Variants in LPIN1 observed in about 807,000 individuals in gnomAD.
The protein encoded by LPIN1 is phosphatidate phosphatase LPIN1.
LPIN1 carries 71 observed loss-of-function variants against 107.5 expected under a neutral mutation model. That is an observed-to-expected ratio of 0.66 (90% CI 0.55 to 0.80). The LOEUF (loss-of-function observed/expected upper bound fraction) is 0.80. Among genes scored for constraint, LPIN1 ranks in the 30% least tolerant of loss-of-function variants. LPIN1 has a pLI of 0.00. For synonymous variants in LPIN1, 445 were observed against 452.6 expected, an observed-to-expected ratio of 0.98 and a Z score of 0.21; for missense variants, 1,043 against 1,160.6, an observed-to-expected ratio of 0.90 and a Z score of 1.47.
intron 14 of LPIN1, among the ~76,000 whole-genome samples, chr2:11,795,779 T>TGATGAC (rs1676602906): frequency 6.6e-6 from 1 of 152,182 alleles, no homozygotes; most frequent in Admixed American, 6.5e-5. Flanking sequence ...CAGATGATGA[T>TGATGAC]GATGACAATA....
At chr2:11,760,027 C>T (rs1346990699) in intron 1 of LPIN1, among the ~76,000 whole-genome samples, 1 of 148,222 alleles carries the variant, frequency 6.7e-6, no homozygotes, top group Non-Finnish European at 1.5e-5. Flanking sequence ...AGAGACGCTC[C>T]TCACCTCCCA....
intron 1 of LPIN1, among the ~76,000 whole-genome samples, chr2:11,735,684 C>T (rs1028004074): frequency 5.9e-5 from 9 of 152,176 alleles, no homozygotes; most frequent in Non-Finnish European, 7.3e-5. Flanking sequence ...TCTAGGTCAA[C>T]GATGAAAGGG....
At chr2:11,764,151 A>G (rs1670403531) in intron 1 of LPIN1, 2 of 149,032 alleles carry the variant, frequency 1.3e-5, no homozygotes, top group Admixed American at 1.3e-4. Flanking sequence ...TGTTGCTGAC[A>G]TGCATTTATA....
At chr2:11,816,490 T>C (rs1680595821) in intron 18 of LPIN1, 1 of 152,230 alleles carries the variant, frequency 6.6e-6, no homozygotes, top group Non-Finnish European at 1.5e-5. Flanking sequence ...TTTAAAGTGA[T>C]CCTTTTCATT....
rs900169344 is a variant in LPIN1, at chr2:11,774,829, A to T, written c.722+1084A>T. Among the ~76,000 whole-genome samples, 2 of 152,202 alleles carry T rather than the reference A, an allele frequency of 1.3e-5. No individual in the cohort carries two copies. The highest frequency in any genetic ancestry group is 4.8e-5 in the African/African-American group (2 of 41,438). On this transcript the variant is annotated intron_variant, in intron 5 of 20. Coordinates refer to ENST00000674199, the MANE Select transcript of LPIN1 (RefSeq NM_001349206.2). This position sits in a 1 kb window ranked among gnomAD's most constrained non-coding sequence, Gnocchi z 4.4. The stretch of plus-strand genomic sequence containing the variant: ...TACTGATGTCGCGGGTTAGTCCAGC[A>T]GGCTGAGGCTGAGGCCTGTGACAAA...
intron 1 of LPIN1, among the ~76,000 whole-genome samples, chr2:11,724,948 C>T (rs11889810): frequency 0.44 from 66,984 of 152,060 alleles, 17,010 homozygotes; most frequent in African/African-American, 0.71. Flanking sequence ...CAATAATTTT[C>T]CCCCCAATAT....
intron 1 of LPIN1, among the ~76,000 whole-genome samples, chr2:11,740,677 C>T (rs1349165050): frequency 1.1e-5 from 1 of 91,388 alleles, no homozygotes; most frequent in African/African-American, 4.4e-5. Context: ...CAGTGAGGCT[C>T]TATCTCGAAA....
intron 3 of LPIN1, among the ~76,000 whole-genome samples, chr2:11,770,153 C>G (rs1282511881): frequency 2.0e-5 from 3 of 152,216 alleles, no homozygotes; most frequent in Non-Finnish European, 4.4e-5. Flanking sequence ...CTATTTGTAC[C>G]TGGCTTTAGA....
intron 3 of LPIN1, among the ~76,000 whole-genome samples, chr2:11,768,446 T>C (rs1450774610): frequency 2.6e-5 from 4 of 152,204 alleles, no homozygotes; most frequent in Admixed American, 1.3e-4. Flanking sequence ...CTAACCTTCC[T>C]ATCTCTATAG....
intron 14 of LPIN1, among the ~76,000 whole-genome samples, chr2:11,798,670 C>T (rs534133848): frequency 1.2e-3 from 189 of 151,906 alleles, no homozygotes; most frequent in Middle Eastern, 3.4e-3. Context: ...CTTGTGAAAA[C>T]TCAGATTTTG....
rs1287059708 is a variant in LPIN1, at chr2:11,805,176, T to G, written c.2249+20T>G. On this transcript the variant is annotated intron_variant, in intron 17 of 20. Coordinates refer to ENST00000674199, the MANE Select transcript of LPIN1 (RefSeq NM_001349206.2). ...GAGCCAGTGAGTACAGAGTTCCTGT[T>G]TCCCGCCTCCTGTGAACGCTGGTGT... The G allele has an allele frequency of 6.3e-7, 1 of 1,575,984 alleles. No homozygotes were observed. The highest frequency in any genetic ancestry group is 8.7e-7 in the Non-Finnish European group (1 of 1,145,348).
At chr2:11,724,197 C>T (rs1664370639), upstream of LPIN1, 1 of 293,176 alleles carries the variant, frequency 3.4e-6, no homozygotes, top group Admixed American at 6.5e-5. Flanking sequence ...TCCTGCGTGC[C>T]CCCTCCTGAA....
chr2:11,705,219 C>G (rs528800713), intron 1 of LPIN1, among the ~76,000 whole-genome samples: 1 of 152,312 alleles, frequency 6.6e-6, no homozygotes, highest in East Asian at 1.9e-4. Context: ...CCAGCTCACC[C>G]ATCCCCCAAC....
At position 11,737,385 on chromosome 2, in the gene LPIN1, G is replaced by C. The variant is rs569123751; in HGVS notation, c.-71-3964G>C. ...CAACAAAAGCCAACATTGACAAATG[G>C]GATCTAATTAAACTAAAGAGCTTTT... On this transcript the variant is annotated intron_variant, in intron 1 of 21. Coordinates refer to the LPIN1 transcript ENST00000396097. 3.5e-4 allele frequency among the ~76,000 whole-genome samples: 54 copies of C among 152,164 alleles called. 1 individual carries two copies. The highest frequency in any genetic ancestry group is 1.3e-3 in the African/African-American group (53 of 41,514).
In LPIN1 at chr2:11,804,421, A is replaced by T. The variant is rs985025312; in HGVS notation, c.2014-2A>T. 1 of 1,614,218 alleles carries T rather than the reference A, an allele frequency of 6.2e-7. No individual in the cohort carries two copies. The highest frequency in any genetic ancestry group is 8.5e-7 in the Non-Finnish European group (1 of 1,180,030). The stretch of plus-strand genomic sequence containing the variant: ...CAAATACTAATGGTTCATGTTTTTC[A>T]GAAAAGCTTGAAGTTGAAGAATGGC... On this transcript the variant is annotated splice_acceptor_variant, in intron 15 of 20. Coordinates refer to ENST00000674199, the MANE Select transcript of LPIN1 (RefSeq NM_001349206.2). LOFTEE classifies it high-confidence loss of function.
intron 1 of LPIN1, among the ~76,000 whole-genome samples, chr2:11,688,875 A>C (rs1662141064): frequency 6.6e-6 from 1 of 152,220 alleles, no homozygotes; most frequent in Non-Finnish European, 1.5e-5. Context: ...ATTAATAGCC[A>C]TTTGATAGGC....
exon 2 of LPIN1, chr2:11,741,422 G>A (rs1278376877): frequency 1.9e-6 from 3 of 1,549,762 alleles, no homozygotes; most frequent in South Asian, 1.2e-5. Context: ...CCTCATCCAT[G>A]AGCAGAGTAA....
At chr2:11,787,398 C>CTTTTTTTTTT (rs1205272301) in intron 11 of LPIN1, among the ~76,000 whole-genome samples, 108 of 64,476 alleles carry the variant, frequency 1.7e-3, no homozygotes, top group South Asian at 2.8e-3. Context: ...TTTTCTTTTT[C>CTTTTTTTTTT]TTTTTTTTTT....
chr2:11,739,497 GA>G (rs1666122094), intron 1 of LPIN1, among the ~76,000 whole-genome samples: 1 of 152,214 alleles, frequency 6.6e-6, no homozygotes, highest in Non-Finnish European at 1.5e-5. Context: ...TCAGGACATC[GA>G]GGAGAAAAGT....
Sources: allele counts gnomAD v4.1 joint callset (sites outside exome capture counted in the v4.1 genomes callset), GRCh38; gene constraint gnomAD v4.1.1; non-coding constraint Gnocchi (gnomAD v3.1); transcripts MANE v1.5; gene names NCBI Gene and HGNC (gene_info 2026-07-23, HGNC 2026-07-21).